Variants in TOM1L1 observed in about 807,000 individuals in gnomAD.
The protein encoded by TOM1L1 is target of myb1 like 1 membrane trafficking protein, also known as TOM1-like protein 1.
TOM1L1 carries 64 observed loss-of-function variants against 63.4 expected under a neutral mutation model. The observed-to-expected ratio is 1.01, with a 90% CI of 0.83 to 1.24. TOM1L1 has a LOEUF of 1.24. TOM1L1 is among the 50% of genes most tolerant of loss of function. The pLI, the probability that TOM1L1 is intolerant of heterozygous loss-of-function variation, is 0.00. For missense variants in TOM1L1, 536 were observed against 567.0 expected, an observed-to-expected ratio of 0.95 and a Z score of 0.55; for synonymous variants, 166 against 194.4, an observed-to-expected ratio of 0.85 and a Z score of 1.22.
chr17:54,930,869 A>G (rs2048847486), intron 8 of TOM1L1, among the ~76,000 whole-genome samples: 1 of 151,296 alleles, frequency 6.6e-6, no homozygotes, highest in Admixed American at 6.6e-5. Context: ...AAATAAATAA[A>G]TAAAAAATAA....
intron 14 of TOM1L1, chr17:54,953,229 A>C (rs1004805286): frequency 2.0e-5 from 3 of 152,178 alleles, no homozygotes; most frequent in Non-Finnish European, 4.4e-5. Context: ...CAAACAAAAA[A>C]ATCAGCCAGG....
rs375184120 is a variant in TOM1L1 at position 54,947,301 on chromosome 17, G to A, written c.1171G>A (p.Ala391Thr). 43 of 1,613,932 alleles carry A rather than the reference G, an allele frequency of 2.7e-5. No individual in the cohort carries two copies. The African/African-American group carries it at 3.7e-4, about 14-fold the overall frequency. The change falls in exon 12 of 16, where the codon GCA (alanine) becomes ACA (threonine). Residue 391 changes from alanine (A) to threonine (T), a missense_variant. Physicochemically the swap from Ala to Thr is moderately conservative, Grantham distance 58. Transcript: ENST00000575882. ...RTSQNLTSSH[A>T]YDNFLEHSNS... ...CAGCCAAAACCTCACCTCAAGCCAC[G>A]CATATGATAATGTAAGTAACAAAAC...
intron 12 of TOM1L1, 159 bp downstream of exon 12, chr17:54,947,471 GT>G (rs990453242): frequency 7.9e-5 from 55 of 692,660 alleles, no homozygotes; most frequent in Non-Finnish European, 2.2e-5. Flanking sequence ...TTTGGAGTTT[GT>G]ATTTGCTATC....
At chr17:54,939,110 A>G (rs1164679527) in intron 11 of TOM1L1, 90 bp downstream of exon 11, 1 of 895,158 alleles carries the variant, frequency 1.1e-6, no homozygotes, top group African/African-American at 1.7e-5. Flanking sequence ...GCAGTGACTT[A>G]CATCTGTAAT....
rs551560419 is a variant in TOM1L1, at chr17:54,915,684, A to C, written c.604-62A>C. The C allele has an allele frequency of 1.9e-5, 22 of 1,155,808 alleles. No individual in the cohort carries two copies. The African/African-American group carries it at 2.5e-4, about 13-fold the overall frequency. 71.6% of individuals were successfully genotyped at this position (1,155,808 alleles called of 1,614,324 possible). ...CATCCAGCAAATGTCCCATGGGGGC[A>C]GGAAACAAGGTAGTTATTCTTTGTG... On this transcript the variant is annotated intron_variant, in intron 6 of 15. Transcript: ENST00000575882.
intron 2 of TOM1L1, among the ~76,000 whole-genome samples, chr17:54,904,516 T>C (rs192023902): frequency 1.3e-4 from 20 of 152,262 alleles, no homozygotes; most frequent in Non-Finnish European, 2.1e-4. Context: ...TTCTGAGCAA[T>C]TATTTCTAGT....
At chr17:54,928,695 G>A (rs1211476218) in intron 7 of TOM1L1, among the ~76,000 whole-genome samples, 2 of 152,160 alleles carry the variant, frequency 1.3e-5, no homozygotes, top group East Asian at 1.9e-4. Flanking sequence ...GAACAACACT[G>A]TTGACCCCTA....
Position 54,937,162 on chromosome 17 carries a change from TC to T in TOM1L1, c.973del (p.Arg325GlyfsTer13). The T allele has an allele frequency of 6.2e-7, 1 of 1,613,774 alleles. No individual in the cohort carries two copies. Among genetic ancestry groups the T allele is most frequent in the Non-Finnish European group, 8.5e-7 (1 of 1,179,966 alleles). On this transcript the variant is annotated frameshift_variant, in exon 10 of 16. Transcript: ENST00000575882. LOFTEE classifies it high-confidence loss of function. ...AAGATCTCCTCGACCTAAGTCCCAG[TC>T]CCCGGATGCCTAGGGCCACTCTGGG... ...SQDLLDLSPSPRMPRATLGEL... is the reference protein window; with the variant it reads ...SQDLLDLSPSXRMPRATLGEL...
intron 14 of TOM1L1, among the ~76,000 whole-genome samples, chr17:54,951,195 T>C (rs1274096072): frequency 6.6e-6 from 1 of 152,198 alleles, no homozygotes; most frequent in Non-Finnish European, 1.5e-5. Flanking sequence ...GAAATACTTA[T>C]ATTTACTGGT....
chr17:54,924,499 C>T (rs2048736770), intron 7 of TOM1L1, among the ~76,000 whole-genome samples: 1 of 152,038 alleles, frequency 6.6e-6, no homozygotes, highest in African/African-American at 2.4e-5. Flanking sequence ...AGGCTGATCT[C>T]GAACTCTTTC....
intron 14 of TOM1L1, among the ~76,000 whole-genome samples, chr17:54,958,959 G>A (rs1048944569): frequency 6.6e-6 from 1 of 152,094 alleles, no homozygotes; most frequent in Non-Finnish European, 1.5e-5. Flanking sequence ...GGAATAGACA[G>A]GATCACAGAA....
At chr17:54,902,414 C>T (rs111972835) in intron 1 of TOM1L1, among the ~76,000 whole-genome samples, 4,936 of 152,196 alleles carry the variant, frequency 0.032, 187 homozygotes, top group African/African-American at 0.087. Flanking sequence ...CTCAGCCTCC[C>T]GAGTAGCTGG....
At chr17:54,939,065 G>C in intron 11 of TOM1L1, 45 bp downstream of exon 11, 1 of 1,307,810 alleles carries the variant, frequency 7.6e-7, no homozygotes, top group Non-Finnish European at 1.1e-6. Flanking sequence ...ATGACATTTA[G>C]ATTCCTTACA....
At chr17:54,901,473 A>G (rs757771726) in intron 1 of TOM1L1, among the ~76,000 whole-genome samples, 3 of 152,120 alleles carry the variant, frequency 2.0e-5, no homozygotes, top group Non-Finnish European at 4.4e-5. Context: ...GAGGAGGGGA[A>G]CATAGGAGCC....
chr17:54,955,484 T>C (rs1460269872), intron 14 of TOM1L1, among the ~76,000 whole-genome samples: 2 of 152,140 alleles, frequency 1.3e-5, no homozygotes, highest in African/African-American at 2.4e-5. Context: ...AGTCCTTCTG[T>C]GACTGCTGCA....
At chr17:54,931,689 G>C (rs1214487287) in intron 8 of TOM1L1, among the ~76,000 whole-genome samples, 1 of 152,128 alleles carries the variant, frequency 6.6e-6, no homozygotes, top group African/African-American at 2.4e-5. Context: ...TTTAGTCCCA[G>C]CTACTTAGGA....
chr17:54,911,425 T>C, intron 3 of TOM1L1, among the ~76,000 whole-genome samples: 1 of 152,176 alleles, frequency 6.6e-6, no homozygotes. Context: ...GCTGTGTGTG[T>C]CCAGCTCACT....
At chr17:54,956,735 A>G (rs1427136740) in intron 14 of TOM1L1, 1 of 152,214 alleles carries the variant, frequency 6.6e-6, no homozygotes, top group African/African-American at 2.4e-5. Flanking sequence ...ATGAGCCACT[A>G]TAACCAACCA....
At chr17:54,915,946 T>A in intron 7 of TOM1L1, 84 bp downstream of exon 7, 1 of 981,806 alleles carries the variant, frequency 1.0e-6, no homozygotes, top group Non-Finnish European at 1.6e-6. Context: ...GGAAGACACC[T>A]TAATATTGTC....
Sources: gnomAD v4.1 joint callset for allele counts (sites outside exome capture counted in the v4.1 genomes callset) on GRCh38, gnomAD v4.1.1 for gene constraint, MANE v1.5 for transcripts, NCBI Gene and HGNC (gene_info 2026-07-23, HGNC 2026-07-21) for gene names.